USP13: variants seen among roughly 807,000 people sequenced by gnomAD.
USP13 encodes the protein ubiquitin specific peptidase 13.
In USP13, 68 loss-of-function variants were observed where a neutral mutation model predicts 107.8. The ratio of observed to expected loss-of-function variants is 0.63; its 90% CI spans 0.52 to 0.77. The LOEUF (loss-of-function observed/expected upper bound fraction) is 0.77. Among genes scored for constraint, USP13 ranks in the 30% least tolerant of loss-of-function variants. USP13 has a pLI of 0.00. For synonymous variants in USP13, 377 were observed against 389.5 expected, an observed-to-expected ratio of 0.97 and a Z score of 0.38; for missense variants, 945 against 1,093.3, an observed-to-expected ratio of 0.86 and a Z score of 1.91.
intron 10 of USP13, among the ~76,000 whole-genome samples, chr3:179,738,563 G>A (rs1714073068): frequency 6.6e-6 from 1 of 152,192 alleles, no homozygotes; most frequent in African/African-American, 2.4e-5. Context: ...GTATTAACGA[G>A]ACAGTAGGTA....
At chr3:179,772,256 G>C (rs1017008120) in intron 19 of USP13, among the ~76,000 whole-genome samples, 10 of 152,140 alleles carry the variant, frequency 6.6e-5, no homozygotes, top group Non-Finnish European at 1.5e-5. Flanking sequence ...CTGACCTATC[G>C]GGGCTTCTGC....
chr3:179,694,545 G>A (rs1168081862), intron 3 of USP13, among the ~76,000 whole-genome samples: 1 of 151,988 alleles, frequency 6.6e-6, no homozygotes, highest in Non-Finnish European at 1.5e-5. Context: ...GCTCATGCCT[G>A]TAATCTCAGC....
At chr3:179,741,413 A>G (rs1266944173) in intron 11 of USP13, among the ~76,000 whole-genome samples, 7 of 151,938 alleles carry the variant, frequency 4.6e-5, no homozygotes, top group East Asian at 1.9e-4. Context: ...GCTCAGGTCC[A>G]TGATCTTTTC....
chr3:179,680,246 A>G (rs185750000), intron 1 of USP13, among the ~76,000 whole-genome samples: 5 of 152,220 alleles, frequency 3.3e-5, no homozygotes, highest in Admixed American at 2.6e-4. Flanking sequence ...TACATGAAGC[A>G]TATCAGACAT....
At position 179,653,928 on chromosome 3, in the gene USP13, C is replaced by G. The variant is rs918794617; in HGVS notation, c.168+535C>G. 2.0e-5 allele frequency among the ~76,000 whole-genome samples: 3 copies of G among 152,186 alleles called. No homozygotes were observed. Among genetic ancestry groups the G allele is most frequent in the Non-Finnish European group, 2.9e-5 (2 of 68,026 alleles). On this transcript the variant is annotated intron_variant, in intron 1 of 20. Transcript: ENST00000263966. The surrounding 1 kb of genome is among the most constrained non-coding windows in gnomAD (Gnocchi z 4.0). ...TTTTCTTGTCTTTAGAATGTCAGGGCCAGGCGCGGTGGCTCACGTCTGAAA... is the reference window on the plus strand; with the variant it reads ...TTTTCTTGTCTTTAGAATGTCAGGGGCAGGCGCGGTGGCTCACGTCTGAAA...
intron 6 of USP13, among the ~76,000 whole-genome samples, chr3:179,709,443 T>C (rs1225302590): frequency 6.6e-6 from 1 of 152,224 alleles, no homozygotes; most frequent in East Asian, 1.9e-4. Context: ...AAGGATACTG[T>C]GCATTAAAAG....
chr3:179,714,599 G>A (rs959554849), intron 6 of USP13, among the ~76,000 whole-genome samples: 11 of 152,140 alleles, frequency 7.2e-5, no homozygotes, highest in Non-Finnish European at 1.3e-4. Flanking sequence ...AAATATTATG[G>A]AGCAAACAAA....
chr3:179,711,094 A>G (rs1712907167), intron 6 of USP13, among the ~76,000 whole-genome samples: 1 of 152,250 alleles, frequency 6.6e-6, no homozygotes, highest in South Asian at 2.1e-4. Context: ...GTCCTTTTCA[A>G]TAATAAATTA....
At chr3:179,699,437 C>T (rs970913088) in intron 3 of USP13, among the ~76,000 whole-genome samples, 1 of 152,092 alleles carries the variant, frequency 6.6e-6, no homozygotes, top group Non-Finnish European at 1.5e-5. Flanking sequence ...TGAAACCAGG[C>T]GTGGTGATTC....
At chr3:179,722,082 AG>A (rs1480260472) in intron 8 of USP13, among the ~76,000 whole-genome samples, 1 of 145,998 alleles carries the variant, frequency 6.8e-6, no homozygotes, top group African/African-American at 2.5e-5. Context: ...AAAAAAAAAA[AG>A]AGCTTCGTAA....
intron 19 of USP13, among the ~76,000 whole-genome samples, chr3:179,770,800 G>A (rs542765725): frequency 2.6e-5 from 4 of 151,986 alleles, no homozygotes; most frequent in Non-Finnish European, 5.9e-5. Flanking sequence ...TACAGATGGG[G>A]TTTCACCATG....
chr3:179,721,289 A>C lies in USP13; in HGVS notation c.901-113A>C. On this transcript the variant is annotated intron_variant, in intron 7 of 20. Coordinates refer to ENST00000263966, the MANE Select transcript of USP13 (RefSeq NM_003940.3). This position sits in a 1 kb window ranked among gnomAD's most constrained non-coding sequence, Gnocchi z 4.3. Reference sequence around the variant, plus strand: ...TTTGCATTGTTTATTTCTCTATGTAATTGGGGAAAAAAATGGCAGAAACAT... The same window carrying C: ...TTTGCATTGTTTATTTCTCTATGTACTTGGGGAAAAAAATGGCAGAAACAT... 1 of 1,147,672 alleles carries C rather than the reference A, an allele frequency of 8.7e-7. No individual in the cohort carries two copies. The highest frequency in any genetic ancestry group is 1.2e-6 in the Non-Finnish European group (1 of 815,208). The allele number at this position is 1,147,672 out of a possible 1,614,324, so 71.1% of individuals were successfully genotyped here.
chr3:179,690,171 A>T, intron 2 of USP13, 70 bp from the exon 3 acceptor site: 1 of 1,446,204 alleles, frequency 6.9e-7, no homozygotes, highest in African/African-American at 1.4e-5. Context: ...AACCTCTGAG[A>T]TGTGCTTTTC....
intron 6 of USP13, among the ~76,000 whole-genome samples, chr3:179,717,670 T>TC (rs113044292): frequency 0.9 from 136,286 of 151,916 alleles, 61,417 homozygotes; most frequent in Non-Finnish European, 0.94. Flanking sequence ...ATTTTCACCT[T>TC]GAGCTAGTAT....
At chr3:179,712,368 A>G (rs9881109) in intron 6 of USP13, among the ~76,000 whole-genome samples, 35,249 of 152,112 alleles carry the variant, frequency 0.23, 4,404 homozygotes, top group Admixed American at 0.31. Context: ...TAGATAAATC[A>G]ATACAAAATA....
In USP13 at chr3:179,719,886, A is replaced by G. The variant is rs1713245884; in HGVS notation, c.806-54A>G. 4 of 1,486,266 alleles carry G rather than the reference A, an allele frequency of 2.7e-6. No homozygotes were observed. In the South Asian group the frequency reaches 3.5e-5, roughly 13 times the overall value. 92.1% of individuals were successfully genotyped at this position (1,486,266 alleles called of 1,614,324 possible). A position where few individuals can be genotyped will look rare whatever the true frequency, so the allele number is the denominator to read the frequency against. On this transcript the variant is annotated intron_variant, in intron 6 of 20. Coordinates refer to ENST00000263966, the MANE Select transcript of USP13 (RefSeq NM_003940.3). The stretch of plus-strand genomic sequence containing the variant: ...TAGGAGTTCAAAAAATATGTGTTGG[A>G]TATTCAGTGACTTGATTACTGATTG...
chr3:179,709,013 C>A (rs1049633987), intron 6 of USP13, 56 bp downstream of exon 6: 6 of 1,564,894 alleles, frequency 3.8e-6, no homozygotes, highest in Non-Finnish European at 5.2e-6. Flanking sequence ...TTAGATTTAA[C>A]CAATCCCTGA....
chr3:179,735,007 T>C (rs1713942082), intron 10 of USP13, among the ~76,000 whole-genome samples: 1 of 152,210 alleles, frequency 6.6e-6, no homozygotes, highest in Non-Finnish European at 1.5e-5. Context: ...TTGGGAGAGA[T>C]TCTGAACACT....
intron 10 of USP13, among the ~76,000 whole-genome samples, chr3:179,735,163 G>A (rs1226624899): frequency 2.6e-5 from 4 of 152,216 alleles, no homozygotes; most frequent in Admixed American, 6.5e-5. Flanking sequence ...TTAGTGGTCA[G>A]GACTAGCCAT....
Sources: gnomAD v4.1 joint callset for allele counts (sites outside exome capture counted in the v4.1 genomes callset) on GRCh38, gnomAD v4.1.1 for gene constraint, Gnocchi (gnomAD v3.1) non-coding constraint, MANE v1.5 for transcripts, NCBI Gene and HGNC (gene_info 2026-07-23, HGNC 2026-07-21) for gene names.